The following EFHC2 variants were observed in gnomAD, a reference collection of about 807,000 sequenced individuals.
EFHC2 encodes the protein EF-hand domain-containing family member C2.
In EFHC2, 18 loss-of-function variants were observed where a neutral mutation model predicts 52.7. That is an observed-to-expected ratio of 0.34 (90% CI 0.24 to 0.51). EFHC2 has a LOEUF of 0.51. Among genes scored for constraint, EFHC2 ranks in the 20% least tolerant of loss-of-function variants. The pLI, the probability that EFHC2 is intolerant of heterozygous loss-of-function variation, is 0.97. For missense variants in EFHC2, 513 were observed against 562.5 expected (o/e 0.91, Z 0.89); for synonymous variants, 203 against 204.1 (o/e 0.99, Z 0.04).
chrX:44,278,912 T>C (rs1286380261), intron 2 of EFHC2, among the ~76,000 whole-genome samples: 4 of 112,299 alleles, frequency 3.6e-5, no homozygotes, highest in Non-Finnish European at 7.5e-5. Context: ...CTCTTGTTAA[T>C]CTGTCTTTTG....
chrX:44,332,609 G>A (rs1286620234), intron 1 of EFHC2, among the ~76,000 whole-genome samples: 1 of 111,362 alleles, frequency 9.0e-6, no homozygotes, highest in Non-Finnish European at 1.9e-5. Context: ...ACTCCCCCAG[G>A]AAATGGCCTA....
chrX:44,170,492 GAAC>G (rs1248432411), intron 13 of EFHC2, among the ~76,000 whole-genome samples: 1 of 110,459 alleles, frequency 9.1e-6, no homozygotes, highest in Admixed American at 9.6e-5. Context: ...ACAGGAGTGA[GAAC>G]AAATCAATCA....
intron 11 of EFHC2, among the ~76,000 whole-genome samples, chrX:44,212,709 AT>A (rs1201030493): frequency 9.1e-6 from 1 of 110,331 alleles, no homozygotes; most frequent in East Asian, 2.8e-4. Context: ...CCTTTTATTT[AT>A]TTTTTTAATT....
intron 13 of EFHC2, among the ~76,000 whole-genome samples, chrX:44,171,512 G>A (rs1373098624): frequency 9.0e-6 from 1 of 111,268 alleles, no homozygotes; most frequent in Non-Finnish European, 1.9e-5. Context: ...CGAACCCAGG[G>A]GTGCATCTTG....
rs1464790588 is a variant in EFHC2 at position 44,201,769 on chromosome X, A to T, written c.1752-23205T>A. ...CATTTTACAAGCTGCTTTAAGAAACAGTGAATGTTCTGAAACTCATCTTAT... is the reference window on the plus strand; with the variant it reads ...CATTTTACAAGCTGCTTTAAGAAACTGTGAATGTTCTGAAACTCATCTTAT... On this transcript the variant is annotated intron_variant, in intron 11 of 14. Coordinates refer to ENST00000420999, the MANE Select transcript of EFHC2 (RefSeq NM_025184.4). Among the ~76,000 whole-genome samples the T allele has an allele frequency of 3.6e-5, 4 of 112,317 alleles. No homozygotes were observed. In the East Asian group the frequency reaches 1.1e-3, roughly 31 times the overall value.
intron 14 of EFHC2, among the ~76,000 whole-genome samples, chrX:44,163,540 C>A (rs768744701): frequency 6.3e-5 from 7 of 111,983 alleles, no homozygotes; most frequent in Non-Finnish European, 1.3e-4. Context: ...CCGCGGATAC[C>A]CGGATACCCT....
In EFHC2 at chrX:44,279,323, G is replaced by A. The variant is rs757961341; in HGVS notation, c.232-6487C>T. On this transcript the variant is annotated intron_variant, in intron 2 of 14. Coordinates refer to ENST00000420999, the MANE Select transcript of EFHC2 (RefSeq NM_025184.4). ...CGTGCCACTGCACTCCAGCCTGGGC[G>A]AAAGAATGAGACTGCCTCAAAACAA... Among the ~76,000 whole-genome samples, 232 of 111,827 alleles carry A rather than the reference G, an allele frequency of 2.1e-3. 4 individuals are homozygous for A. Among genetic ancestry groups the A allele is most frequent in the African/African-American group, 5.4e-3 (165 of 30,767 alleles).
intron 4 of EFHC2, among the ~76,000 whole-genome samples, chrX:44,253,813 G>A (rs1017129166): frequency 1.8e-5 from 2 of 112,248 alleles, no homozygotes; most frequent in Non-Finnish European, 3.8e-5. Context: ...CCTGACCCCT[G>A]TGCCTCCTGC....
chrX:44,174,786 G>A (rs1321132535), intron 13 of EFHC2, among the ~76,000 whole-genome samples: 1 of 111,225 alleles, frequency 9.0e-6, no homozygotes, highest in African/African-American at 3.3e-5. Flanking sequence ...TCCAAGGCCT[G>A]CCTACTTCAT....
chrX:44,197,979 T>G (rs775611289), intron 11 of EFHC2, among the ~76,000 whole-genome samples: 10 of 112,441 alleles, frequency 8.9e-5, no homozygotes, highest in Admixed American at 1.9e-4. Flanking sequence ...ACTAACCAGG[T>G]CATTTGTTAG....
Position 44,163,941 on chromosome X carries a change from G to A in EFHC2, c.2129C>T (p.Pro710Leu), listed in dbSNP as rs941658385. The A allele has an allele frequency of 1.7e-6, 2 of 1,163,749 alleles. No homozygotes were observed. The highest frequency in any genetic ancestry group is 1.8e-5 in the African/African-American group (1 of 55,893). The change falls in exon 14 of 15, where the codon CCA becomes CTA. Residue 710 changes from proline to leucine, a missense_variant. Pro to Leu is a moderately conservative substitution (Grantham distance 98, BLOSUM62 -3). Coordinates refer to ENST00000420999, the MANE Select transcript of EFHC2 (RefSeq NM_025184.4). ...WRKNPVPELQ[P>L]ASYLKERCED... The stretch of plus-strand genomic sequence containing the variant: ...TTTTACCTCTTTAAGGTATGATGCT[G>A]GTTGCAATTCAGGCACTGGATTCTT...
chrX:44,299,023 G>A (rs992237509), intron 2 of EFHC2, among the ~76,000 whole-genome samples: 32 of 110,686 alleles, frequency 2.9e-4, no homozygotes, highest in African/African-American at 1.1e-3. Flanking sequence ...ACATGGTGGT[G>A]GTTACATGAA....
intron 7 of EFHC2, among the ~76,000 whole-genome samples, chrX:44,243,357 C>T (rs1196650060): frequency 8.9e-6 from 1 of 112,336 alleles, no homozygotes; most frequent in Non-Finnish European, 1.9e-5. Context: ...AGGAGTTCTA[C>T]ATAAGCAAAT....
chrX:44,301,328 C>A (rs756285654), intron 2 of EFHC2, among the ~76,000 whole-genome samples: 2 of 109,401 alleles, frequency 1.8e-5, no homozygotes, highest in Non-Finnish European at 3.8e-5. Flanking sequence ...CCCACTCCCC[C>A]CCCGACCAAA....
intron 1 of EFHC2, among the ~76,000 whole-genome samples, chrX:44,342,989 G>C (rs1442138916): frequency 9.1e-6 from 1 of 110,071 alleles, no homozygotes; most frequent in African/African-American, 3.3e-5. Flanking sequence ...CAGGCTGATA[G>C]AACTCTTATC....
At chrX:44,278,588 C>G (rs191588489) in intron 2 of EFHC2, among the ~76,000 whole-genome samples, 1 of 111,336 alleles carries the variant, frequency 9.0e-6, no homozygotes, top group Non-Finnish European at 1.9e-5. Flanking sequence ...TCCCCGGAGG[C>G]AGGTCATAAC....
At chrX:44,219,691 A>G (rs2037179276) in intron 11 of EFHC2, among the ~76,000 whole-genome samples, 1 of 112,136 alleles carries the variant, frequency 8.9e-6, no homozygotes. Context: ...AAACTATTTC[A>G]TCTCAAAACT....
rs542039146 is a variant in EFHC2, at chrX:44,289,932, C to T, written c.232-17096G>A. On this transcript the variant is annotated intron_variant, in intron 2 of 14. Transcript: ENST00000420999. The stretch of plus-strand genomic sequence containing the variant: ...TCCTGACCTCGTGATCCGCCCGCCT[C>T]GGCCTCCCAAAGTGCTGGGATTACA... 2.2e-4 allele frequency among the ~76,000 whole-genome samples: 25 copies of T among 111,611 alleles called. No homozygotes were observed. The South Asian group carries it at 8.2e-3, about 37-fold the overall frequency.
chrX:44,156,459 T>C (rs2036606741), intron 14 of EFHC2, among the ~76,000 whole-genome samples: 1 of 112,292 alleles, frequency 8.9e-6, no homozygotes, highest in Admixed American at 9.4e-5. Flanking sequence ...TCTTGCAAGA[T>C]TGTTGGGACA....
Sources: gnomAD v4.1 joint callset for allele counts (sites outside exome capture counted in the v4.1 genomes callset) on GRCh38, gnomAD v4.1.1 for gene constraint, MANE v1.5 for transcripts, NCBI Gene and HGNC (gene_info 2026-07-23, HGNC 2026-07-21) for gene names.